THSD4: variants seen among roughly 807,000 people sequenced by gnomAD.
THSD4 encodes thrombospondin type 1 domain containing 4.
In THSD4, 69 loss-of-function variants were observed where a neutral mutation model predicts 119.0. The observed-to-expected ratio is 0.58, with a 90% confidence interval of 0.48 to 0.71. THSD4 has a LOEUF of 0.71. Ranked by LOEUF, THSD4 falls within the 30% of genes least tolerant of loss-of-function variation. The pLI, the probability that THSD4 is intolerant of heterozygous loss-of-function variation, is 0.00. For synonymous variants in THSD4, 524 were observed against 540.4 expected, an observed-to-expected ratio of 0.97 and a Z score of 0.42; for missense variants, 1,393 against 1,391.1, an observed-to-expected ratio of 1.00 and a Z score of -0.02.
intron 7 of THSD4, among the ~76,000 whole-genome samples, chr15:71,645,316 A>G (rs1265405826): frequency 1.3e-5 from 2 of 152,154 alleles, no homozygotes; most frequent in African/African-American, 4.8e-5. Flanking sequence ...GTAGAAGGGG[A>G]AGCAAACATG....
At chr15:71,151,105 A>G (rs529303349) in intron 2 of THSD4, among the ~76,000 whole-genome samples, 6 of 152,176 alleles carry the variant, frequency 3.9e-5, no homozygotes, top group Non-Finnish European at 7.4e-5. Flanking sequence ...TGTAGGGTCA[A>G]GGAAGCCCTG....
intron 14 of THSD4, among the ~76,000 whole-genome samples, chr15:71,753,441 A>G (rs1214509698): frequency 6.6e-6 from 1 of 152,264 alleles, no homozygotes; most frequent in Non-Finnish European, 1.5e-5. Context: ...TGATGCATAA[A>G]GCTGAAGTTC....
chr15:71,269,916 G>T (rs1373829130), intron 6 of THSD4, among the ~76,000 whole-genome samples: 1 of 152,086 alleles, frequency 6.6e-6, no homozygotes, highest in Non-Finnish European at 1.5e-5. Flanking sequence ...CCTCTTCAAG[G>T]AGAACTACAA....
chr15:71,349,136 A>T (rs1011955463), intron 6 of THSD4, among the ~76,000 whole-genome samples: 2 of 152,306 alleles, frequency 1.3e-5, no homozygotes, highest in East Asian at 3.9e-4. Flanking sequence ...TCCCATTTCA[A>T]TTGTTAGCAG....
At position 71,771,196 on chromosome 15, in the gene THSD4, G is replaced by A; in HGVS notation, c.2902G>A (p.Val968Ile). 6.2e-7 allele frequency: 1 copy of A among 1,613,582 alleles called. No individual in the cohort carries two copies. The highest frequency in any genetic ancestry group is 2.2e-5 in the East Asian group (1 of 44,870). The change falls in exon 17 of 18, where the codon GTC becomes ATC. Residue 968 changes from valine (V) to isoleucine (I), a missense_variant. Coordinates refer to ENST00000261862, the MANE Select transcript of THSD4 (RefSeq NM_024817.3). ...ERESCNPQDC[V>I]PEVDENCKDK... ...AGAATCTTGTAACCCTCAGGACTGT[G>A]TCCCTGAAGTTGGTAAGTAGAGATT...
At chr15:71,601,066 A>T (rs1323623493) in intron 7 of THSD4, among the ~76,000 whole-genome samples, 1 of 152,116 alleles carries the variant, frequency 6.6e-6, no homozygotes, top group Non-Finnish European at 1.5e-5. Context: ...TATCTTAAAG[A>T]TGAGGAAACT....
chr15:71,411,057 A>T (rs944848715), intron 6 of THSD4, among the ~76,000 whole-genome samples: 1 of 152,142 alleles, frequency 6.6e-6, no homozygotes, highest in Admixed American at 6.5e-5. Flanking sequence ...CATAAAAATT[A>T]TGTGCTCACT....
intron 3 of THSD4, among the ~76,000 whole-genome samples, chr15:71,211,986 C>CA (rs1241537974): frequency 2.0e-5 from 3 of 152,152 alleles, no homozygotes; most frequent in African/African-American, 7.2e-5. Flanking sequence ...TCCCATCTTG[C>CA]ATCTTGCCTT....
chr15:71,518,869 G>A (rs559727854), intron 7 of THSD4, among the ~76,000 whole-genome samples: 24 of 152,254 alleles, frequency 1.6e-4, no homozygotes, highest in African/African-American at 5.5e-4. Context: ...GTTGCTCAGG[G>A]ATTCCACAAT....
chr15:71,634,262 T>C (rs2050694470), intron 7 of THSD4, among the ~76,000 whole-genome samples: 1 of 151,504 alleles, frequency 6.6e-6, no homozygotes, highest in Non-Finnish European at 1.5e-5. Flanking sequence ...GAGGATTAGG[T>C]GGGATTGCAT....
chr15:71,553,233 T>C (rs941307897), intron 7 of THSD4, among the ~76,000 whole-genome samples: 1 of 152,232 alleles, frequency 6.6e-6, no homozygotes, highest in Non-Finnish European at 1.5e-5. Context: ...GTGCTTCTTG[T>C]TTCTACCTCA....
chr15:71,212,716 G>C (rs2043898068), intron 3 of THSD4, among the ~76,000 whole-genome samples: 3 of 152,238 alleles, frequency 2.0e-5, no homozygotes, highest in African/African-American at 7.2e-5. Flanking sequence ...CAGAAGTCGG[G>C]AGACAATTTT....
chr15:71,425,792 C>T (rs2046859083), intron 7 of THSD4, among the ~76,000 whole-genome samples: 1 of 152,208 alleles, frequency 6.6e-6, no homozygotes, highest in Non-Finnish European at 1.5e-5. Flanking sequence ...ATCTTGAACT[C>T]ATCACAGAGT....
chr15:71,385,934 G>A (rs1261806182), intron 6 of THSD4, among the ~76,000 whole-genome samples: 2 of 152,182 alleles, frequency 1.3e-5, no homozygotes, highest in African/African-American at 4.8e-5. Context: ...CAGTAGAACT[G>A]TGTGTTAGTT....
Position 71,377,900 on chromosome 15 carries a change from A to ACCCACC in THSD4, c.1016-33786_1016-33785insCCACCC, listed in dbSNP as rs1468912646. ...CACACACACACACACACACACACAC[A>ACCCACC]CACACACACACACAATTTCCTTCAG... On this transcript the variant is annotated intron_variant, in intron 6 of 17. Coordinates refer to ENST00000261862, the MANE Select transcript of THSD4 (RefSeq NM_024817.3). Among the ~76,000 whole-genome samples, 7 of 119,938 alleles carry ACCCACC rather than the reference A, an allele frequency of 5.8e-5. 1 individual carries two copies. Among genetic ancestry groups the ACCCACC allele is most frequent in the East Asian group, 3.2e-4 (1 of 3,084 alleles). The allele number at this position is 119,938 out of a possible 152,430, so 78.7% of individuals were successfully genotyped here.
intron 1 of THSD4, among the ~76,000 whole-genome samples, chr15:71,109,848 G>A (rs1233049236): frequency 6.6e-6 from 1 of 152,208 alleles, no homozygotes; most frequent in East Asian, 1.9e-4. Flanking sequence ...GGATGAAGGT[G>A]AGTGAGGCAA....
At chr15:71,308,668 A>G (rs1374788999) in intron 6 of THSD4, among the ~76,000 whole-genome samples, 1 of 152,124 alleles carries the variant, frequency 6.6e-6, no homozygotes, top group Non-Finnish European at 1.5e-5. Context: ...GTTTATGGAC[A>G]TGGGTTGTTT....
intron 7 of THSD4, among the ~76,000 whole-genome samples, chr15:71,585,670 T>A (rs77024829): frequency 0.02 from 3,056 of 152,308 alleles, 95 homozygotes; most frequent in African/African-American, 0.069. Flanking sequence ...ACAAGTTTTC[T>A]GCCTCTTTCT....
At chr15:71,568,930 G>A (rs893352113) in intron 7 of THSD4, among the ~76,000 whole-genome samples, 2 of 151,910 alleles carry the variant, frequency 1.3e-5, no homozygotes, top group Non-Finnish European at 2.9e-5. Context: ...CATGATTTTT[G>A]TTAACTTTTT....
Sources: allele counts gnomAD v4.1 joint callset (sites outside exome capture counted in the v4.1 genomes callset), GRCh38; gene constraint gnomAD v4.1.1; transcripts MANE v1.5; gene names NCBI Gene and HGNC (gene_info 2026-07-23, HGNC 2026-07-21).